Variants in SMOC2 observed in about 807,000 individuals in gnomAD.
SMOC2 encodes SPARC related modular calcium binding 2.
SMOC2 carries 39 observed loss-of-function variants against 61.4 expected under a neutral mutation model. That is an observed-to-expected ratio of 0.64 (90% CI 0.49 to 0.83). The LOEUF (loss-of-function observed/expected upper bound fraction) is 0.83, where lower values mean the gene tolerates loss of function less well. Ranked by LOEUF, SMOC2 falls within the 40% of genes least tolerant of loss-of-function variation. The probability of loss-of-function intolerance (pLI) is 0.00; values close to 1 mark genes in which losing one functional copy is unlikely to be tolerated. For synonymous variants in SMOC2, 247 were observed against 239.9 expected (o/e 1.03, Z -0.27); for missense variants, 556 against 592.9 (o/e 0.94, Z 0.65).
chr6:168,546,251 GAAAAAAAAAAAAAA>G (rs143673157), intron 5 of SMOC2, among the ~76,000 whole-genome samples: 2 of 66,456 alleles, frequency 3.0e-5, no homozygotes, highest in Admixed American at 2.1e-4. Flanking sequence ...AAGCTTCAGT[GAAAAAAAAAAAAAA>G]AAAAAAAAAA....
intron 1 of SMOC2, among the ~76,000 whole-genome samples, chr6:168,445,742 A>G (rs1011623643): frequency 9.8e-5 from 15 of 152,350 alleles, no homozygotes; most frequent in African/African-American, 3.6e-4. Context: ...GGAGAGAACT[A>G]AACATAATCA....
At chr6:168,588,404 G>A (rs1362001389) in intron 7 of SMOC2, among the ~76,000 whole-genome samples, 1 of 152,094 alleles carries the variant, frequency 6.6e-6, no homozygotes, top group Admixed American at 6.5e-5. Flanking sequence ...GACTACAGGC[G>A]TGAGCCACTG....
chr6:168,580,093 C>T (rs368482653), intron 7 of SMOC2, among the ~76,000 whole-genome samples: 14 of 152,196 alleles, frequency 9.2e-5, no homozygotes, highest in African/African-American at 2.4e-4. Context: ...CGGCTTAAGA[C>T]GTAGTTTTCC....
chr6:168,556,081 T>TG (rs1307825002), intron 7 of SMOC2, among the ~76,000 whole-genome samples: 1 of 152,112 alleles, frequency 6.6e-6, no homozygotes, highest in Admixed American at 6.5e-5. Flanking sequence ...TCGTCTTCAC[T>TG]GTTGAGGGGA....
At chr6:168,458,083 G>T (rs1781629371) in intron 1 of SMOC2, among the ~76,000 whole-genome samples, 1 of 152,274 alleles carries the variant, frequency 6.6e-6, no homozygotes, top group African/African-American at 2.4e-5. Flanking sequence ...TAGGAAGGCT[G>T]GGGGGATGTC....
chr6:168,495,715 C>CG (rs1213397996), intron 1 of SMOC2, among the ~76,000 whole-genome samples: 1 of 152,180 alleles, frequency 6.6e-6, no homozygotes, highest in Non-Finnish European at 1.5e-5. Context: ...AGGCGTGACC[C>CG]GGGTCACAGG....
chr6:168,464,100 A>C (rs1781771585), intron 1 of SMOC2, among the ~76,000 whole-genome samples: 1 of 151,714 alleles, frequency 6.6e-6, no homozygotes. Context: ...CTGAGGCACA[A>C]GAATCACTCG....
intron 7 of SMOC2, among the ~76,000 whole-genome samples, chr6:168,552,064 A>G (rs2115110433): frequency 6.6e-6 from 1 of 152,350 alleles, no homozygotes; most frequent in Non-Finnish European, 1.5e-5. Flanking sequence ...GAGTTGATTT[A>G]CAGACACGGG....
At chr6:168,623,121 C>T (rs78486392) in intron 9 of SMOC2, among the ~76,000 whole-genome samples, 3,055 of 152,180 alleles carry the variant, frequency 0.02, 112 homozygotes, top group African/African-American at 0.07. Context: ...TAATTCTGTT[C>T]GTGCTCTATT....
intron 11 of SMOC2, among the ~76,000 whole-genome samples, chr6:168,658,297 G>A (rs1787378239): frequency 6.6e-6 from 1 of 152,220 alleles, no homozygotes; most frequent in African/African-American, 2.4e-5. Flanking sequence ...TTCCTGTGTG[G>A]CTCCTCCTCT....
intron 8 of SMOC2, among the ~76,000 whole-genome samples, chr6:168,601,617 G>A (rs987939431): frequency 6.6e-6 from 1 of 152,170 alleles, no homozygotes. Flanking sequence ...GTGCATATAA[G>A]TTGGGGCAGC....
At chr6:168,659,305 G>A (rs572110650) in intron 11 of SMOC2, among the ~76,000 whole-genome samples, 53 of 152,214 alleles carry the variant, frequency 3.5e-4, no homozygotes, top group African/African-American at 1.2e-3. Context: ...CTGTGCTGTC[G>A]GGGGCCACAT....
chr6:168,551,328 A>G (rs999498874), intron 7 of SMOC2, among the ~76,000 whole-genome samples: 2 of 152,216 alleles, frequency 1.3e-5, no homozygotes, highest in African/African-American at 4.8e-5. Context: ...GGACTAATAC[A>G]TTGGTAGATC....
At chr6:168,626,713 G>A (rs968849073) in intron 9 of SMOC2, among the ~76,000 whole-genome samples, 2 of 152,180 alleles carry the variant, frequency 1.3e-5, no homozygotes, top group African/African-American at 4.8e-5. Context: ...TGTTACCTAG[G>A]CCTGTGTTTA....
At chr6:168,641,197 A>G (rs571099557) in intron 9 of SMOC2, among the ~76,000 whole-genome samples, 2 of 152,280 alleles carry the variant, frequency 1.3e-5, no homozygotes, top group African/African-American at 4.8e-5. Context: ...ATTGCACAGA[A>G]CACCTCCTTA....
At chr6:168,451,318 T>C (rs1324693269) in intron 1 of SMOC2, among the ~76,000 whole-genome samples, 1 of 152,226 alleles carries the variant, frequency 6.6e-6, no homozygotes. Flanking sequence ...CGTTGTCCCA[T>C]GAGCTCTGAA....
At chr6:168,587,865 T>C (rs1377171244) in intron 7 of SMOC2, among the ~76,000 whole-genome samples, 1 of 152,160 alleles carries the variant, frequency 6.6e-6, no homozygotes, top group Non-Finnish European at 1.5e-5. Context: ...GTCCTGAGAT[T>C]TCCTTTCCTT....
intron 7 of SMOC2, among the ~76,000 whole-genome samples, chr6:168,592,095 C>A (rs1785194350): frequency 2.0e-5 from 3 of 152,228 alleles, no homozygotes; most frequent in Admixed American, 1.3e-4. Flanking sequence ...ACCTTGGTGT[C>A]CTGTGTCTAC....
At chr6:168,516,947 C>T (rs867496202) in intron 2 of SMOC2, among the ~76,000 whole-genome samples, 20 of 152,212 alleles carry the variant, frequency 1.3e-4, no homozygotes, top group Middle Eastern at 6.8e-3. Flanking sequence ...CACTGAAACT[C>T]CGTCTGAAGA....
Sources: gnomAD v4.1 joint callset for allele counts (sites outside exome capture counted in the v4.1 genomes callset) on GRCh38, gnomAD v4.1.1 for gene constraint, MANE v1.5 for transcripts, NCBI Gene and HGNC (gene_info 2026-07-23, HGNC 2026-07-21) for gene names.